CDH20: variants seen among roughly 807,000 people sequenced by gnomAD.
CDH20 encodes the protein cadherin-20.
In CDH20, 29 loss-of-function variants were observed where a neutral mutation model predicts 74.2. The ratio of observed to expected loss-of-function variants is 0.39; its 90% CI spans 0.29 to 0.53. The LOEUF (loss-of-function observed/expected upper bound fraction) is 0.53, where lower values mean the gene tolerates loss of function less well. Ranked by LOEUF, CDH20 falls within the 20% of genes least tolerant of loss-of-function variation. The pLI, the probability that CDH20 is intolerant of heterozygous loss-of-function variation, is 0.69. For synonymous variants in CDH20, 469 were observed against 405.4 expected (o/e 1.16, Z -1.88); for missense variants, 988 against 1,048.3 (o/e 0.94, Z 0.79).
chr18:61,346,715 G>A lies in CDH20; in HGVS notation c.-153+12888G>A, dbSNP rs572109424. Among the ~76,000 whole-genome samples, 13 of 152,306 alleles carry A rather than the reference G, an allele frequency of 8.5e-5. No individual in the cohort carries two copies. In the South Asian group the frequency reaches 2.3e-3, roughly 27 times the overall value. ...ATCTACACTAATTGAGAGAACAGAAGAGGTCGGGATTGTGTGAAATTGTAA... is the reference window on the plus strand; with the variant it reads ...ATCTACACTAATTGAGAGAACAGAAAAGGTCGGGATTGTGTGAAATTGTAA... On this transcript the variant is annotated intron_variant, in intron 1 of 11. Transcript: ENST00000262717.
At chr18:61,508,049 C>G (rs1911638953) in intron 6 of CDH20, among the ~76,000 whole-genome samples, 1 of 152,158 alleles carries the variant, frequency 6.6e-6, no homozygotes, top group Non-Finnish European at 1.5e-5. Flanking sequence ...TCAAACATAG[C>G]TGCTGAATGG....
At chr18:61,483,665 A>G (rs1910664367) in intron 1 of CDH20, among the ~76,000 whole-genome samples, 1 of 152,182 alleles carries the variant, frequency 6.6e-6, no homozygotes, top group Admixed American at 6.5e-5. Flanking sequence ...AAACTCCTTG[A>G]AGGAGGAAAA....
chr18:61,369,443 C>T (rs748360862), intron 1 of CDH20, among the ~76,000 whole-genome samples: 17 of 152,062 alleles, frequency 1.1e-4, no homozygotes, highest in Non-Finnish European at 1.8e-4. Context: ...AAATACCCAG[C>T]TTGAATGTTG....
chr18:61,495,370 G>A (rs1018486136), intron 2 of CDH20, among the ~76,000 whole-genome samples: 3 of 152,220 alleles, frequency 2.0e-5, no homozygotes, highest in Non-Finnish European at 2.9e-5. Context: ...TATTAAGCTG[G>A]TGTCTCTCAG....
chr18:61,396,806 A>G (rs548817174), intron 1 of CDH20, among the ~76,000 whole-genome samples: 1 of 152,178 alleles, frequency 6.6e-6, no homozygotes, highest in Non-Finnish European at 1.5e-5. Context: ...GCAAACAGCA[A>G]CTCTGCTTTT....
chr18:61,413,869 T>C (rs1912595864), intron 1 of CDH20, among the ~76,000 whole-genome samples: 1 of 152,170 alleles, frequency 6.6e-6, no homozygotes, highest in African/African-American at 2.4e-5. Flanking sequence ...AGAACACTTT[T>C]CCTGTGTCAC....
At chr18:61,460,969 G>A (rs1401008099) in intron 1 of CDH20, among the ~76,000 whole-genome samples, 2 of 152,038 alleles carry the variant, frequency 1.3e-5, no homozygotes, top group African/African-American at 4.8e-5. Context: ...CAGGTAATAA[G>A]TACTAAAGAA....
At chr18:61,350,637 A>C (rs1362639820) in intron 1 of CDH20, among the ~76,000 whole-genome samples, 1 of 152,142 alleles carries the variant, frequency 6.6e-6, no homozygotes, top group East Asian at 1.9e-4. Context: ...CTCTAAGAAA[A>C]ACACCAAGTC....
chr18:61,466,277 A>G (rs1206352734), intron 1 of CDH20, among the ~76,000 whole-genome samples: 1 of 152,224 alleles, frequency 6.6e-6, no homozygotes, highest in African/African-American at 2.4e-5. Context: ...TCCTGTTAGT[A>G]TAGTTGTACT....
chr18:61,448,678 A>T (rs1163037575), intron 1 of CDH20, among the ~76,000 whole-genome samples: 2 of 152,190 alleles, frequency 1.3e-5, no homozygotes, highest in Non-Finnish European at 2.9e-5. Flanking sequence ...GACATGAGAC[A>T]TATTAAGGTT....
At chr18:61,530,438 C>T (rs1912599416) in intron 7 of CDH20, among the ~76,000 whole-genome samples, 1 of 152,144 alleles carries the variant, frequency 6.6e-6, no homozygotes, top group Non-Finnish European at 1.5e-5. Context: ...ATGGCTAATT[C>T]ATCATCTGCA....
chr18:61,361,032 T>G (rs1189955879), intron 1 of CDH20, among the ~76,000 whole-genome samples: 1 of 152,260 alleles, frequency 6.6e-6, no homozygotes, highest in East Asian at 1.9e-4. Context: ...ACTATATCAT[T>G]AAGGTGGACA....
intron 1 of CDH20, among the ~76,000 whole-genome samples, chr18:61,386,418 T>A (rs1261387664): frequency 6.6e-6 from 1 of 152,196 alleles, no homozygotes; most frequent in Non-Finnish European, 1.5e-5. Flanking sequence ...AACAATGAAC[T>A]GAATCTGCCT....
chr18:61,549,955 C>G, intron 10 of CDH20, 23 bp from the exon 11 acceptor site: 2 of 1,602,570 alleles, frequency 1.2e-6, no homozygotes, highest in Non-Finnish European at 1.7e-6. Context: ...CTTTTCCAAT[C>G]CTGGAACCCC....
At chr18:61,478,934 C>T (rs1054663977) in intron 1 of CDH20, among the ~76,000 whole-genome samples, 60 of 151,702 alleles carry the variant, frequency 4.0e-4, no homozygotes, top group African/African-American at 1.3e-3. Flanking sequence ...TTGAAAGACA[C>T]CATAAATATA....
At chr18:61,473,534 T>A (rs1414685560) in intron 1 of CDH20, among the ~76,000 whole-genome samples, 1 of 125,770 alleles carries the variant, frequency 8.0e-6, no homozygotes, top group Non-Finnish European at 1.6e-5. Context: ...GGGGAAAAAA[T>A]AATAAATTTT....
intron 3 of CDH20, among the ~76,000 whole-genome samples, chr18:61,499,813 G>T (rs961185320): frequency 6.6e-6 from 1 of 152,100 alleles, no homozygotes; most frequent in Non-Finnish European, 1.5e-5. Flanking sequence ...AGAGCAATAG[G>T]GTTAGGCGCG....
At chr18:61,517,497 C>T (rs1461927741) in intron 6 of CDH20, among the ~76,000 whole-genome samples, 1 of 152,186 alleles carries the variant, frequency 6.6e-6, no homozygotes, top group Non-Finnish European at 1.5e-5. Context: ...AGGGAACTCC[C>T]TCTCCTAGCC....
chr18:61,337,320 C>T (rs1909792566), intron 1 of CDH20, among the ~76,000 whole-genome samples: 1 of 152,062 alleles, frequency 6.6e-6, no homozygotes, highest in African/African-American at 2.4e-5. Context: ...CTAAAAACAG[C>T]ATGTGAAGTT....
Sources: gnomAD v4.1 joint callset for allele counts (sites outside exome capture counted in the v4.1 genomes callset) on GRCh38, gnomAD v4.1.1 for gene constraint, MANE v1.5 for transcripts, NCBI Gene and HGNC (gene_info 2026-07-23, HGNC 2026-07-21) for gene names.